The following B4GALT3 variants were observed in gnomAD, a reference collection of about 807,000 sequenced individuals.
The protein encoded by B4GALT3 is beta-1,4-galactosyltransferase 3.
In B4GALT3, 29 loss-of-function variants were observed where a neutral mutation model predicts 40.7. The observed-to-expected ratio is 0.71, with a 90% CI of 0.53 to 0.97. The LOEUF (loss-of-function observed/expected upper bound fraction) is 0.97, where lower values mean the gene tolerates loss of function less well. Ranked by LOEUF, B4GALT3 falls within the 50% of genes least tolerant of loss-of-function variation. B4GALT3 has a pLI of 0.00. For synonymous variants in B4GALT3, 182 were observed against 203.9 expected, an observed-to-expected ratio of 0.89 and a Z score of 0.92; for missense variants, 390 against 522.3, an observed-to-expected ratio of 0.75 and a Z score of 2.47.
Position 161,171,925 on chromosome 1 carries a change from G to C in B4GALT3, c.1073C>G (p.Pro358Arg). ...ACGGAAGGCTTGGGAGGAACCAGGT[G>C]GGTAACGTGGCCCAGAAGGAGCCCG... ...GPRAPSGPRY[P>R]PGSSQAFRQE... Residue 358 changes from proline to arginine, a missense_variant, in exon 8 of 8, where the codon CCA becomes CGA. Around this residue, in one of 3 missense-constraint regions of B4GALT3, gnomAD observed 72 missense variants for 71.3 expected, o/e 1.01. Coordinates refer to ENST00000319769, the MANE Select transcript of B4GALT3 (RefSeq NM_003779.4). 6.2e-7 allele frequency: 1 copy of C among 1,614,156 alleles called. No individual in the cohort carries two copies. Among genetic ancestry groups the C allele is most frequent in the Non-Finnish European group, 8.5e-7 (1 of 1,180,022 alleles).
chr1:161,177,137 C>A, intron 1 of B4GALT3: 1 of 1,456,966 alleles, frequency 6.9e-7, no homozygotes, highest in Non-Finnish European at 9.2e-7. Flanking sequence ...AGAGCAGGGG[C>A]AGAGACAGTC....
Position 161,173,888 on chromosome 1 carries a change from A to G in B4GALT3, c.651T>C (p.Val217=). Residue 217 remains valine, a synonymous_variant, in exon 5 of 8, where the codon GTT becomes GTC. Transcript: ENST00000319769. The part of the protein sequence containing the change: ...YVCDPRGPRH[V]AVAMNKFGYS... Reference sequence around the variant, plus strand: ...ATCCAAACTTGTTCATAGCAACGGCAACATGGCGGGGTCCCCGGGGGTCAC... The same window carrying G: ...ATCCAAACTTGTTCATAGCAACGGCGACATGGCGGGGTCCCCGGGGGTCAC... 2 of 1,614,156 alleles carry G rather than the reference A, an allele frequency of 1.2e-6. No homozygotes were observed. The highest frequency in any genetic ancestry group is 1.7e-6 in the Non-Finnish European group (2 of 1,180,016).
intron 7 of B4GALT3, 56 bp from the exon 8 acceptor site, chr1:161,172,145 G>A (rs1231289632): frequency 4.3e-6 from 7 of 1,611,772 alleles, no homozygotes; most frequent in African/African-American, 4.0e-5. Flanking sequence ...GAAATCTAGG[G>A]ACCTTTAGGA....
intron 1 of B4GALT3, chr1:161,177,143 C>CA (rs753223865): frequency 2.7e-5 from 39 of 1,442,466 alleles, no homozygotes; most frequent in Admixed American, 4.1e-5. Context: ...GGGGCAGAGA[C>CA]AGTCAGGGGT....
Position 161,171,359 on chromosome 1 carries a change from G to A in B4GALT3, c.*457C>T, listed in dbSNP as rs374007226. 2 of 1,079,834 alleles carry A rather than the reference G, an allele frequency of 1.9e-6. No individual in the cohort carries two copies. The highest frequency in any genetic ancestry group is 1.5e-5 in the South Asian group (1 of 68,626). 66.9% of individuals were successfully genotyped at this position (1,079,834 alleles called of 1,614,324 possible). A position where few individuals can be genotyped will look rare whatever the true frequency, so the allele number is the denominator to read the frequency against. On this transcript the variant is annotated 3_prime_UTR_variant, in exon 8 of 8. Transcript: ENST00000319769. ...AAATATATCAAAATCCCAGCCCCCTGAGCCAGGACCAGAAGAGGGAGCTAT... is the reference window on the plus strand; with the variant it reads ...AAATATATCAAAATCCCAGCCCCCTAAGCCAGGACCAGAAGAGGGAGCTAT...
rs774403075 is a variant in B4GALT3 at position 161,172,294 on chromosome 1, T to A, written c.841A>T (p.Thr281Ser). 1 of 1,613,850 alleles carries A rather than the reference T, an allele frequency of 6.2e-7. No individual in the cohort carries two copies. The highest frequency in any genetic ancestry group is 8.5e-7 in the Non-Finnish European group (1 of 1,180,002). The stretch of plus-strand genomic sequence containing the variant: ...ACCATCTTATAGTGTCCTACAGATG[T>A]GGGGGGCCGAGAGATCTTCATCCCA... ...LAGMKISRPP[T>S]SVGHYKMVKH... Residue 281 changes from threonine (T) to serine (S), a missense_variant, in exon 7 of 8, where the codon ACA becomes TCA. Coordinates refer to ENST00000319769, the MANE Select transcript of B4GALT3 (RefSeq NM_003779.4).
chr1:161,172,409 CA>C, intron 6 of B4GALT3, 78 bp from the exon 7 acceptor site: 6 of 1,242,778 alleles, frequency 4.8e-6, no homozygotes, highest in Non-Finnish European at 6.7e-6. Flanking sequence ...TCTGTACACA[CA>C]AAAAAACAAC....
intron 2 of B4GALT3, 30 bp from the exon 3 acceptor site, chr1:161,176,104 A>C: frequency 6.2e-7 from 1 of 1,608,430 alleles, no homozygotes; most frequent in Non-Finnish European, 8.5e-7. Context: ...TTCTGGGGGT[A>C]GGCAGGAAGA....
intron 6 of B4GALT3, chr1:161,172,541 A>G: frequency 5.5e-6 from 3 of 545,950 alleles, no homozygotes; most frequent in Non-Finnish European, 9.5e-6. Flanking sequence ...AGTGCCAGTC[A>G]CCCTAGGGCC....
At chr1:161,173,577 G>C (rs1173848145) in intron 6 of B4GALT3, 28 bp downstream of exon 6, 1 of 1,612,942 alleles carries the variant, frequency 6.2e-7, no homozygotes, top group African/African-American at 1.3e-5. Flanking sequence ...ACTGGGGTCA[G>C]GAGGGAGGAA....
chr1:161,174,418 GA>G (rs925363770), intron 4 of B4GALT3, among the ~76,000 whole-genome samples: 3 of 148,818 alleles, frequency 2.0e-5, no homozygotes, highest in Non-Finnish European at 3.0e-5. Context: ...AAAAAAAAAA[GA>G]AAAAAAAGAA....
intron 4 of B4GALT3, among the ~76,000 whole-genome samples, chr1:161,174,682 CAG>C (rs1242298276): frequency 6.6e-6 from 1 of 152,162 alleles, no homozygotes; most frequent in Non-Finnish European, 1.5e-5. Flanking sequence ...GTATCTTGCT[CAG>C]AGTCATACAT....
intron 1 of B4GALT3, chr1:161,176,838 T>C: frequency 6.5e-7 from 1 of 1,533,762 alleles, no homozygotes; most frequent in Non-Finnish European, 8.7e-7. Flanking sequence ...GGAAACATTG[T>C]TTTCCCCCAG....
In B4GALT3 at chr1:161,171,390, C is replaced by A; in HGVS notation, c.*426G>T. On this transcript the variant is annotated 3_prime_UTR_variant, in exon 8 of 8. Coordinates refer to ENST00000319769, the MANE Select transcript of B4GALT3 (RefSeq NM_003779.4). ...GGACCAGAAGAGGGAGCTATTCCAG[C>A]ATAGGCAGAAAATGCCCAGGGAGGG... is the stretch of plus-strand genomic sequence containing the variant. The A allele has an allele frequency of 1.2e-6, 1 of 819,438 alleles. No individual in the cohort carries two copies. The allele number at this position is 819,438 out of a possible 1,614,324, so 50.8% of individuals were successfully genotyped here.
intron 6 of B4GALT3, 124 bp downstream of exon 6, chr1:161,173,481 G>T: frequency 7.2e-7 from 1 of 1,388,164 alleles, no homozygotes; most frequent in Non-Finnish European, 1.0e-6. Flanking sequence ...CTAAGGGAAA[G>T]GAATGGGCTC....
chr1:161,175,743 T>A (rs1663257708), intron 3 of B4GALT3, 65 bp downstream of exon 3: 1 of 1,582,920 alleles, frequency 6.3e-7, no homozygotes, highest in Non-Finnish European at 8.6e-7. Flanking sequence ...TGCCTCCCTA[T>A]CCCCAAGCCT....
At chr1:161,174,145 C>A in intron 4 of B4GALT3, 96 bp from the exon 5 acceptor site, 1 of 1,321,622 alleles carries the variant, frequency 7.6e-7, no homozygotes, top group Middle Eastern at 2.6e-4. Flanking sequence ...CGGTGGCTTA[C>A]GCCTGTAATC....
rs111614721 is a variant in B4GALT3, at chr1:161,171,901, C to T, written c.1097G>A (p.Arg366His). 4.9e-4 allele frequency: 797 copies of T among 1,614,156 alleles called. 5 individuals are homozygous for T. In the African/African-American group the frequency reaches 8.2e-3, roughly 17 times the overall value. ...GGGCCGGCGTTGCAGCATCTCTTGA[C>T]GGAAGGCTTGGGAGGAACCAGGTGG... ...RYPPGSSQAF[R>H]QEMLQRRPPA... Residue 366 changes from arginine (R) to histidine (H), a missense_variant, in exon 8 of 8, where the codon CGT becomes CAT. By Grantham distance (29) the Arg-to-His change is conservative. Coordinates refer to ENST00000319769, the MANE Select transcript of B4GALT3 (RefSeq NM_003779.4).
At position 161,171,377 on chromosome 1, in the gene B4GALT3, G is replaced by T; in HGVS notation, c.*439C>A. Reference sequence around the variant, plus strand: ...GCCCCCTGAGCCAGGACCAGAAGAGGGAGCTATTCCAGCATAGGCAGAAAA... The same window carrying T: ...GCCCCCTGAGCCAGGACCAGAAGAGTGAGCTATTCCAGCATAGGCAGAAAA... On this transcript the variant is annotated 3_prime_UTR_variant, in exon 8 of 8. Coordinates refer to ENST00000319769, the MANE Select transcript of B4GALT3 (RefSeq NM_003779.4). 3 of 927,462 alleles carry T rather than the reference G, an allele frequency of 3.2e-6. No individual in the cohort carries two copies. Among genetic ancestry groups the T allele is most frequent in the Non-Finnish European group, 4.8e-6 (3 of 618,774 alleles). 57.5% of individuals were successfully genotyped at this position (927,462 alleles called of 1,614,324 possible). A position where few individuals can be genotyped will look rare whatever the true frequency, so the allele number is the denominator to read the frequency against.
Sources: allele counts gnomAD v4.1 joint callset (sites outside exome capture counted in the v4.1 genomes callset), GRCh38; gene constraint gnomAD v4.1.1; regional missense constraint gnomAD v4.1.1; transcripts MANE v1.5; gene names NCBI Gene and HGNC (gene_info 2026-07-23, HGNC 2026-07-21).